Variants in SPACA6 observed in about 807,000 individuals in gnomAD.
The protein encoded by SPACA6 is sperm acrosome associated 6.
For synonymous variants in SPACA6, 6 were observed against 1.5 expected (o/e 4.05, Z -2.21); for missense variants, 8 against 2.8 (o/e 2.88, Z -1.34).
chr19:51,700,832 TGATGGAAG>T (rs1213781637), intron 2 of SPACA6, among the ~76,000 whole-genome samples: 2 of 152,034 alleles, frequency 1.3e-5, no homozygotes. Context: ...AGATTTGTGG[TGATGGAAG>T]GATGATTAGG....
upstream of SPACA6, among the ~76,000 whole-genome samples, chr19:51,684,791 T>C (rs546454392): frequency 6.6e-6 from 1 of 152,214 alleles, no homozygotes; most frequent in Non-Finnish European, 1.5e-5. Context: ...TTCAAAGCCA[T>C]CCTGGGCCAC....
chr19:51,705,361 T>G (rs946068260), downstream of SPACA6: 9 of 356,730 alleles, frequency 2.5e-5, no homozygotes, highest in Non-Finnish European at 4.0e-5. Flanking sequence ...GCTGTCTCCT[T>G]GACATTTCCA....
At chr19:51,713,112 G>T (rs935643032), downstream of SPACA6, 9 of 302,298 alleles carry the variant, frequency 3.0e-5, no homozygotes, top group East Asian at 3.2e-4. This position sits in a 1 kb window ranked among gnomAD's most constrained non-coding sequence, Gnocchi z 4.5. Context: ...GAGGCTGGGG[G>T]AAAATAAATA....
intron 2 of SPACA6, among the ~76,000 whole-genome samples, chr19:51,697,352 C>T (rs2083437617): frequency 6.6e-6 from 1 of 152,014 alleles, no homozygotes; most frequent in East Asian, 1.9e-4. Context: ...CACAGTGGTC[C>T]GGGGGCCCAG....
intron 2 of SPACA6, among the ~76,000 whole-genome samples, chr19:51,710,543 C>G (rs1174511963): frequency 6.6e-6 from 1 of 152,090 alleles, no homozygotes; most frequent in African/African-American, 2.4e-5. Flanking sequence ...TTTGAGATGC[C>G]TATTAGGCAT....
intron 2 of SPACA6, among the ~76,000 whole-genome samples, chr19:51,696,028 C>G (rs1353707543): frequency 3.3e-5 from 5 of 152,022 alleles, no homozygotes; most frequent in African/African-American, 1.2e-4. Context: ...TTGAGGGGTC[C>G]CAGGGACGTT....
At chr19:51,704,811 C>A in intron 8 of SPACA6, 1 of 345,586 alleles carries the variant, frequency 2.9e-6, no homozygotes, top group Non-Finnish European at 5.0e-6. Flanking sequence ...AGTCCCCAGT[C>A]CCCTCCTCCC....
chr19:51,692,535 G>A (rs1010952405), upstream of SPACA6: 5 of 467,104 alleles, frequency 1.1e-5, no homozygotes, highest in African/African-American at 6.2e-5. The surrounding 1 kb of genome is among the most constrained non-coding windows in gnomAD (Gnocchi z 5.6). Flanking sequence ...CAGGGTCCCT[G>A]ATGAGGAAGG....
At chr19:51,693,921 G>T in intron 1 of SPACA6, 181 bp downstream of exon 1, 1 of 391,158 alleles carries the variant, frequency 2.6e-6, no homozygotes, top group South Asian at 1.4e-4. Flanking sequence ...AAGACAGCAG[G>T]GCAAAGACTC....
chr19:51,708,004 A>C (rs1444384052), downstream of SPACA6, among the ~76,000 whole-genome samples: 1 of 152,182 alleles, frequency 6.6e-6, no homozygotes, highest in Non-Finnish European at 1.5e-5. Context: ...CCCATAGTTT[A>C]GGGATTGTTC....
upstream of SPACA6, chr19:51,692,937 G>A (rs571320528): frequency 6.5e-5 from 33 of 504,500 alleles, no homozygotes; most frequent in Non-Finnish European, 1.2e-5. The surrounding 1 kb of genome is among the most constrained non-coding windows in gnomAD (Gnocchi z 5.6). Flanking sequence ...CCACTGGGCT[G>A]CCCCAGGGAC....
downstream of SPACA6, among the ~76,000 whole-genome samples, chr19:51,708,281 A>G (rs1021259120): frequency 2.0e-5 from 3 of 152,234 alleles, no homozygotes; most frequent in Non-Finnish European, 2.9e-5. Flanking sequence ...CAGAAAGTAC[A>G]AGGGTATAAG....
intron 2 of SPACA6, among the ~76,000 whole-genome samples, chr19:51,699,190 T>G (rs2083450751): frequency 6.6e-6 from 1 of 152,108 alleles, no homozygotes; most frequent in Admixed American, 6.5e-5. Flanking sequence ...AAAAATTTGT[T>G]TAGAGATGGT....
chr19:51,705,723 A>T (rs2083512953), downstream of SPACA6, among the ~76,000 whole-genome samples: 3 of 149,818 alleles, frequency 2.0e-5, no homozygotes, highest in African/African-American at 7.4e-5. Context: ...TGGAGGCACC[A>T]TCTCACTCCA....
At position 51,704,176 on chromosome 19, in the gene SPACA6, C is replaced by T. The variant is rs558928397; in HGVS notation, c.720C>T (p.Phe240=). Residue 240 remains phenylalanine, a synonymous_variant, in exon 7 of 9, where the codon TTC becomes TTT. Transcript: ENST00000637797. ...QDQRPLARLY[F]FLNVTGPPPR... ...AGCGCCCCCTGGCCCGGCTCTACTT[C>T]TTTCTTAACGGTGGGGCGGGGCGCG... The T allele has an allele frequency of 2.5e-6, 1 of 401,104 alleles. No homozygotes were observed. Among genetic ancestry groups the T allele is most frequent in the East Asian group, 3.6e-5 (1 of 28,052 alleles). 24.8% of individuals were successfully genotyped at this position (401,104 alleles called of 1,614,324 possible). A position where few individuals can be genotyped will look rare whatever the true frequency, so the allele number is the denominator to read the frequency against.
upstream of SPACA6, among the ~76,000 whole-genome samples, chr19:51,684,964 T>C (rs2122169962): frequency 6.6e-6 from 1 of 152,354 alleles, no homozygotes; most frequent in East Asian, 1.9e-4. Context: ...TGTCTGGTGG[T>C]GCTATCGGAT....
upstream of SPACA6, among the ~76,000 whole-genome samples, chr19:51,685,145 T>G (rs1172974928): frequency 6.6e-6 from 1 of 152,224 alleles, no homozygotes; most frequent in Non-Finnish European, 1.5e-5. Flanking sequence ...TTTCAGGAAC[T>G]TGGGATGACC....
chr19:51,702,563 A>AG (rs2083477620), intron 3 of SPACA6, 66 bp from the exon 4 acceptor site: 1 of 382,806 alleles, frequency 2.6e-6, no homozygotes. Flanking sequence ...AACATTAGCT[A>AG]GGGGAGCATC....
At chr19:51,685,129 T>C (rs1319770184), upstream of SPACA6, among the ~76,000 whole-genome samples, 3 of 152,210 alleles carry the variant, frequency 2.0e-5, no homozygotes, top group Non-Finnish European at 4.4e-5. Flanking sequence ...TGTCTACCAG[T>C]TCCTGTTTCA....
Sources: gnomAD v4.1 joint callset for allele counts (sites outside exome capture counted in the v4.1 genomes callset) on GRCh38, gnomAD v4.1.1 for gene constraint, Gnocchi (gnomAD v3.1) non-coding constraint, MANE v1.5 for transcripts, NCBI Gene and HGNC (gene_info 2026-07-23, HGNC 2026-07-21) for gene names.